IGF1R: variants seen among roughly 807,000 people sequenced by gnomAD.
IGF1R encodes insulin-like growth factor 1 receptor.
IGF1R carries 44 observed loss-of-function variants against 144.6 expected under a neutral mutation model. That is an observed-to-expected ratio of 0.30 (90% CI 0.24 to 0.39). The LOEUF (loss-of-function observed/expected upper bound fraction) is 0.39, where lower values mean the gene tolerates loss of function less well. Ranked by LOEUF, IGF1R falls within the 10% of genes least tolerant of loss-of-function variation. IGF1R has a pLI of 1.00. For missense variants in IGF1R, 1,355 were observed against 1,833.7 expected, an observed-to-expected ratio of 0.74 and a Z score of 4.77; for synonymous variants, 795 against 722.8, an observed-to-expected ratio of 1.10 and a Z score of -1.60.
At position 98,714,630 on chromosome 15, in the gene IGF1R, A is replaced by G. The variant is rs149256808; in HGVS notation, c.640+6523A>G. Among the ~76,000 whole-genome samples the G allele has an allele frequency of 3.1e-3, 477 of 151,858 alleles. 2 individuals are homozygous for G. The highest frequency in any genetic ancestry group is 0.011 in the African/African-American group (457 of 41,202). Reference sequence around the variant, plus strand: ...GCCACTGCACTTCAGCCTGGGCGACATAATGAAATCCTGTCTGAGAAAAAA... The same window carrying G: ...GCCACTGCACTTCAGCCTGGGCGACGTAATGAAATCCTGTCTGAGAAAAAA... On this transcript the variant is annotated intron_variant, in intron 2 of 20. Coordinates refer to ENST00000650285, the MANE Select transcript of IGF1R (RefSeq NM_000875.5).
At chr15:98,887,617 T>C (rs2013703923) in intron 2 of IGF1R, among the ~76,000 whole-genome samples, 5 of 152,220 alleles carry the variant, frequency 3.3e-5, no homozygotes, top group Admixed American at 2.6e-4. Context: ...GTGATGGTGA[T>C]GTCTGAAGAG....
intron 1 of IGF1R, among the ~76,000 whole-genome samples, chr15:98,664,463 G>A (rs560089449): frequency 6.4e-4 from 98 of 152,160 alleles, no homozygotes; most frequent in African/African-American, 2.1e-3. Flanking sequence ...TCAGGAGTTC[G>A]AGACCAGCCT....
At chr15:98,776,572 A>G (rs187915683) in intron 2 of IGF1R, among the ~76,000 whole-genome samples, 1 of 152,194 alleles carries the variant, frequency 6.6e-6, no homozygotes, top group South Asian at 2.1e-4. Context: ...TATTTTTAAG[A>G]GCCTCTTCCC....
intron 3 of IGF1R, among the ~76,000 whole-genome samples, chr15:98,894,370 A>G (rs2014072397): frequency 6.6e-6 from 1 of 152,256 alleles, no homozygotes; most frequent in Non-Finnish European, 1.5e-5. Context: ...TATGTACACC[A>G]TCGTCCATAG....
intron 19 of IGF1R, among the ~76,000 whole-genome samples, chr15:98,944,568 G>T (rs1426185367): frequency 6.6e-6 from 1 of 152,200 alleles, no homozygotes; most frequent in Non-Finnish European, 1.5e-5. Context: ...CCTCTCAAAA[G>T]AATGGAAATG....
At chr15:98,957,003 C>G (rs1243254770) in intron 20 of IGF1R, 58 bp from the exon 21 acceptor site, 15 of 1,602,508 alleles carry the variant, frequency 9.4e-6, no homozygotes, top group Non-Finnish European at 1.3e-5. Context: ...GCCCATGAAG[C>G]CTCCTGGCCA....
intron 6 of IGF1R, among the ~76,000 whole-genome samples, chr15:98,910,418 A>C (rs970783154): frequency 2.1e-4 from 32 of 152,222 alleles, no homozygotes; most frequent in African/African-American, 7.5e-4. Flanking sequence ...ACATTTCCCA[A>C]TCTCAGTTGC....
intron 8 of IGF1R, among the ~76,000 whole-genome samples, chr15:98,914,773 A>C (rs566308362): frequency 5.4e-5 from 8 of 147,362 alleles, no homozygotes; most frequent in African/African-American, 2.2e-4. Flanking sequence ...CTCTGTCCTT[A>C]CACGCAGCGG....
At chr15:98,808,206 A>G (rs1385858834) in intron 2 of IGF1R, among the ~76,000 whole-genome samples, 10 of 152,256 alleles carry the variant, frequency 6.6e-5, no homozygotes, top group Admixed American at 6.5e-4. Flanking sequence ...CATCTTAAAA[A>G]TAAGTTGAAA....
chr15:98,802,083 G>A (rs1596315545), intron 2 of IGF1R, among the ~76,000 whole-genome samples: 1 of 152,206 alleles, frequency 6.6e-6, no homozygotes, highest in South Asian at 2.1e-4. Flanking sequence ...AACCTTGAGT[G>A]CCACATCTGG....
chr15:98,913,145 C>T lies in IGF1R; in HGVS notation c.1691C>T (p.Pro564Leu), dbSNP rs1177421861. ...VDLPPNKDVE[P>L]GILLHGLKPW... ...CTCCCGCCCAACAAGGACGTGGAGC[C>T]CGGCATCTTACTACATGGGCTGAAG... Residue 564 changes from proline to leucine, a missense_variant, in exon 8 of 21, where the codon CCC becomes CTC. Around this residue, in one of 7 missense-constraint regions of IGF1R, gnomAD observed 880 missense variants for 1,202.7 expected, o/e 0.73. Coordinates refer to ENST00000650285, the MANE Select transcript of IGF1R (RefSeq NM_000875.5). 1 of 1,614,226 alleles carries T rather than the reference C, an allele frequency of 6.2e-7. No individual in the cohort carries two copies. The highest frequency in any genetic ancestry group is 8.5e-7 in the Non-Finnish European group (1 of 1,180,026).
At chr15:98,929,474 C>A in intron 13 of IGF1R, 84 bp from the exon 14 acceptor site, 2 of 1,074,398 alleles carry the variant, frequency 1.9e-6, no homozygotes, top group Non-Finnish European at 2.9e-6. Flanking sequence ...GTATTTTTTT[C>A]ATACTTCCAA....
intron 3 of IGF1R, 52 bp from the exon 4 acceptor site, chr15:98,896,705 G>T: frequency 6.3e-7 from 1 of 1,575,760 alleles, no homozygotes; most frequent in Non-Finnish European, 8.7e-7. Flanking sequence ...TTTAATGCAA[G>T]AAGACAGACT....
intron 1 of IGF1R, among the ~76,000 whole-genome samples, chr15:98,666,768 T>C (rs1160352381): frequency 1.3e-5 from 2 of 152,048 alleles, no homozygotes; most frequent in East Asian, 3.9e-4. Flanking sequence ...AATTGGTGTT[T>C]AATGGGTACA....
rs1484562721 is a variant in IGF1R, at chr15:98,962,780, G to T, written c.*5338G>T. On this transcript the variant is annotated 3_prime_UTR_variant, in exon 21 of 21. Coordinates refer to ENST00000650285, the MANE Select transcript of IGF1R (RefSeq NM_000875.5). ...CCACATCGAGGCTCAGCAGTCATCC[G>T]TGGGCATTTGGTTTCAACAAAGAAA... The T allele has an allele frequency of 4.3e-6, 1 of 233,418 alleles. No individual in the cohort carries two copies. Among genetic ancestry groups the T allele is most frequent in the Non-Finnish European group, 8.5e-6 (1 of 118,064 alleles). 14.5% of individuals were successfully genotyped at this position (233,418 alleles called of 1,614,324 possible). A position where few individuals can be genotyped will look rare whatever the true frequency, so the allele number is the denominator to read the frequency against.
chr15:98,827,228 C>G (rs553725143), intron 2 of IGF1R, among the ~76,000 whole-genome samples: 1 of 152,246 alleles, frequency 6.6e-6, no homozygotes, highest in East Asian at 1.9e-4. Context: ...AGTTTCAGAG[C>G]AAATGACTTG....
intron 2 of IGF1R, among the ~76,000 whole-genome samples, chr15:98,810,860 T>TTC (rs1226036803): frequency 6.6e-6 from 1 of 152,022 alleles, no homozygotes; most frequent in African/African-American, 2.4e-5. Context: ...TAAATGATTT[T>TTC]CTTAAGTGTA....
intron 1 of IGF1R, among the ~76,000 whole-genome samples, chr15:98,677,784 C>T (rs2053086043): frequency 6.6e-6 from 1 of 152,188 alleles, no homozygotes; most frequent in African/African-American, 2.4e-5. Flanking sequence ...AGCCAGTAGG[C>T]CCTGCTTCTC....
At chr15:98,887,506 T>G (rs2013698075) in intron 2 of IGF1R, among the ~76,000 whole-genome samples, 1 of 152,202 alleles carries the variant, frequency 6.6e-6, no homozygotes, top group South Asian at 2.1e-4. Flanking sequence ...CTTTAAATTG[T>G]CAGGGAAAGG....
Sources: gnomAD v4.1 joint callset for allele counts (sites outside exome capture counted in the v4.1 genomes callset) on GRCh38, gnomAD v4.1.1 for gene constraint, gnomAD v4.1.1 regional missense constraint, MANE v1.5 for transcripts, NCBI Gene and HGNC (gene_info 2026-07-23, HGNC 2026-07-21) for gene names.